Variants in SLC49A3 observed in about 807,000 individuals in gnomAD.
The protein encoded by SLC49A3 is solute carrier family 49 member A3.
SLC49A3 carries 50 observed loss-of-function variants against 43.8 expected under a neutral mutation model. The ratio of observed to expected loss-of-function variants is 1.14; its 90% confidence interval spans 0.91 to 1.45. The LOEUF (loss-of-function observed/expected upper bound fraction) is 1.45. Among genes scored for constraint, SLC49A3 ranks in the 40% most tolerant of loss-of-function variants. SLC49A3 has a pLI of 0.00. For synonymous variants in SLC49A3, 413 were observed against 352.0 expected, an observed-to-expected ratio of 1.17 and a Z score of -1.94; for missense variants, 906 against 774.1, an observed-to-expected ratio of 1.17 and a Z score of -2.02.
chr4:683,065 C>G (rs1740145686), intron 8 of SLC49A3, 145 bp downstream of exon 8: 1 of 1,207,404 alleles, frequency 8.3e-7, no homozygotes, highest in Non-Finnish European at 1.2e-6. Flanking sequence ...AGCAGGTGCT[C>G]AGAACCTGCT....
At chr4:677,566 TGACA>T (rs530082190), downstream of SLC49A3, among the ~76,000 whole-genome samples, 35 of 152,306 alleles carry the variant, frequency 2.3e-4, no homozygotes, top group East Asian at 2.7e-3. Context: ...TGGACACCCC[TGACA>T]GACAGAGTGT....
At chr4:681,036 G>A (rs1240813814), downstream of SLC49A3, 15 of 1,555,084 alleles carry the variant, frequency 9.6e-6, no homozygotes, top group East Asian at 3.3e-4. Flanking sequence ...GAGCCCCACC[G>A]AGAAGGCTCC....
downstream of SLC49A3, chr4:680,756 C>A (rs2109354200): frequency 1.4e-6 from 1 of 717,826 alleles, no homozygotes; most frequent in Non-Finnish European, 2.3e-6. Flanking sequence ...GGGAGGCCAG[C>A]CCTGCTCACA....
downstream of SLC49A3, chr4:679,220 A>T (rs1044993830): frequency 3.9e-5 from 28 of 711,384 alleles, no homozygotes; most frequent in Non-Finnish European, 6.8e-5. Context: ...GGCAGAGAGC[A>T]TCCCAGGGTG....
At chr4:679,855 G>C, downstream of SLC49A3, 2 of 1,478,198 alleles carry the variant, frequency 1.4e-6, no homozygotes, top group Non-Finnish European at 1.9e-6. Flanking sequence ...GGGGTCACCT[G>C]CTGGTGGCAC....
chr4:679,814 C>A, downstream of SLC49A3: 1 of 967,764 alleles, frequency 1.0e-6, no homozygotes, highest in East Asian at 2.5e-5. Flanking sequence ...TCCCTCCCCA[C>A]CCTTCCCATC....
rs746665706 is a variant in SLC49A3 at position 685,910 on chromosome 4, C to A, written c.510G>T (p.Ser170=). The change falls in exon 4 of 10, where the codon TCG becomes TCT. Residue 170 remains serine (S), a splice_region_variant and synonymous_variant. Transcript: ENST00000322224. The surrounding 1 kb of genome is among the most constrained non-coding windows in gnomAD (Gnocchi z 4.3). ...RATANMLATM[S]NPLGVLVANV... Reference sequence around the variant, plus strand: ...TGGCCACAAGGACGCCCAGAGGGTTCGCTGGGTGGGCGGATGCACAAAGTG... The same window carrying A: ...TGGCCACAAGGACGCCCAGAGGGTTAGCTGGGTGGGCGGATGCACAAAGTG... 6.2e-7 allele frequency: 1 copy of A among 1,613,952 alleles called. No individual in the cohort carries two copies.
chr4:681,189 C>A, downstream of SLC49A3: 1 of 1,573,944 alleles, frequency 6.4e-7, no homozygotes, highest in African/African-American at 1.3e-5. Context: ...GGGCGGGGCT[C>A]CCGGGGTCAG....
In SLC49A3 at chr4:686,518, G is replaced by T; in HGVS notation, c.294+14C>A. 2 of 1,610,606 alleles carry T rather than the reference G, an allele frequency of 1.2e-6. No homozygotes were observed. The highest frequency in any genetic ancestry group is 1.7e-6 in the Non-Finnish European group (2 of 1,179,056). ...ACTGTCCCGGAGCGGGCCATGGTGT[G>T]GGGTCTGACTCACCGCCGCACGGAG... On this transcript the variant is annotated intron_variant, in intron 2 of 9. Coordinates refer to ENST00000322224, the MANE Select transcript of SLC49A3 (RefSeq NM_032219.4).
downstream of SLC49A3, chr4:680,117 G>A: frequency 8.5e-7 from 1 of 1,175,110 alleles, no homozygotes; most frequent in Non-Finnish European, 1.2e-6. Flanking sequence ...AATCTCTGGA[G>A]AAGCCCTAGG....
chr4:679,067 G>A (rs748780708), downstream of SLC49A3: 11 of 1,592,830 alleles, frequency 6.9e-6, no homozygotes, highest in Admixed American at 1.7e-4. Flanking sequence ...CAGAGCCCTT[G>A]GAGGAGGCGA....
At chr4:684,955 C>T (rs891641260) in intron 4 of SLC49A3, 99 bp from the exon 5 acceptor site, 1 of 1,461,484 alleles carries the variant, frequency 6.8e-7, no homozygotes, top group Non-Finnish European at 9.1e-7. Flanking sequence ...GCTCCTCCTG[C>T]CCCACCACCG....
At chr4:681,125 G>T (rs1432593445), downstream of SLC49A3, 1 of 1,607,056 alleles carries the variant, frequency 6.2e-7, no homozygotes, top group African/African-American at 1.3e-5. Context: ...AGGCTGACAA[G>T]ATGACGGCGG....
chr4:688,941 G>A, intron 1 of SLC49A3, 52 bp downstream of exon 1: 1 of 1,556,406 alleles, frequency 6.4e-7, no homozygotes, highest in Non-Finnish European at 8.6e-7. Context: ...AAACCCGGCT[G>A]GTCCGAGGGA....
Position 685,898 on chromosome 4 carries a change from G to A in SLC49A3, c.522C>T (p.Gly174=), listed in dbSNP as rs148833775. The A allele has an allele frequency of 1.3e-4, 202 of 1,613,822 alleles. 1 individual carries two copies. Among genetic ancestry groups the A allele is most frequent in the African/African-American group, 2.7e-4 (20 of 74,916 alleles). Residue 174 remains glycine (G), a synonymous_variant, in exon 4 of 10, where the codon GGC becomes GGT. Coordinates refer to ENST00000322224, the MANE Select transcript of SLC49A3 (RefSeq NM_032219.4). The surrounding 1 kb of genome is among the most constrained non-coding windows in gnomAD (Gnocchi z 4.3). ...NMLATMSNPL[G]VLVANVLSPV... is the part of the protein sequence containing the mutation. The stretch of plus-strand genomic sequence containing the variant: ...GGGACAGCACATTGGCCACAAGGAC[G>A]CCCAGAGGGTTCGCTGGGTGGGCGG...
Position 684,631 on chromosome 4 carries a change from C to T in SLC49A3, c.724-32G>A, listed in dbSNP as rs771705297. The T allele has an allele frequency of 4.3e-6, 7 of 1,611,854 alleles. No homozygotes were observed. The South Asian group carries it at 5.5e-5, about 13-fold the overall frequency. On this transcript the variant is annotated intron_variant, in intron 5 of 9. Coordinates refer to ENST00000322224, the MANE Select transcript of SLC49A3 (RefSeq NM_032219.4). Reference sequence around the variant, plus strand: ...GGAAAGAGCGTCTCAGCCCCGGAGCCCGGGGGCCCTTCCCAAACCCATCGC... The same window carrying T: ...GGAAAGAGCGTCTCAGCCCCGGAGCTCGGGGGCCCTTCCCAAACCCATCGC...
intron 1 of SLC49A3, 115 bp downstream of exon 1, chr4:688,878 C>G (rs978538974): frequency 1.4e-6 from 2 of 1,399,632 alleles, no homozygotes; most frequent in Non-Finnish European, 1.9e-6. Flanking sequence ...CCAGAAGGCA[C>G]CCCCCGCCCC....
At chr4:678,630 A>C (rs1577330665), downstream of SLC49A3, 3 of 1,586,170 alleles carry the variant, frequency 1.9e-6, no homozygotes, top group Non-Finnish European at 1.7e-6. Flanking sequence ...CCAGCCCAGG[A>C]CCCTCAGCCA....
Position 682,062 on chromosome 4 carries a change from C to CT in SLC49A3, c.1575_1576insA (p.Ala526SerfsTer19). Reference sequence around the variant, plus strand: ...GCGAGTCTGCCGGGGCGGGAGGGCGCGTCGGTGGCTGCTGGGCCTTGCGCA... The same window carrying CT: ...GCGAGTCTGCCGGGGCGGGAGGGCGCTGTCGGTGGCTGCTGGGCCTTGCGCA... On this transcript the variant is annotated frameshift_variant, in exon 10 of 10. Coordinates refer to ENST00000322224, the MANE Select transcript of SLC49A3 (RefSeq NM_032219.4). LOFTEE classifies it low-confidence loss of function (END_TRUNC). The CT allele has an allele frequency of 7.1e-7, 1 of 1,410,058 alleles. No individual in the cohort carries two copies. The highest frequency in any genetic ancestry group is 9.3e-7 in the Non-Finnish European group (1 of 1,070,108). The allele number at this position is 1,410,058 out of a possible 1,614,324, so 87.3% of individuals were successfully genotyped here.
Sources: allele counts gnomAD v4.1 joint callset (sites outside exome capture counted in the v4.1 genomes callset), GRCh38; gene constraint gnomAD v4.1.1; non-coding constraint Gnocchi (gnomAD v3.1); transcripts MANE v1.5; gene names NCBI Gene and HGNC (gene_info 2026-07-23, HGNC 2026-07-21).